Variants in PLG observed in about 807,000 individuals in gnomAD.
PLG encodes plasminogen, also known as plasmin.
PLG carries 41 observed loss-of-function variants against 104.4 expected under a neutral mutation model. The observed-to-expected ratio is 0.39, with a 90% CI of 0.31 to 0.51. The LOEUF is 0.51. PLG is among the 20% of genes least tolerant of loss of function. The pLI is 0.76. For synonymous variants in PLG, 337 were observed against 357.1 expected (o/e 0.94, Z 0.63); for missense variants, 891 against 1,003.6 (o/e 0.89, Z 1.52).
intron 8 of PLG, 103 bp from the exon 9 acceptor site, chr6:160,718,590 A>G: frequency 7.1e-7 from 1 of 1,408,678 alleles, no homozygotes; most frequent in Non-Finnish European, 1.0e-6. Flanking sequence ...AGTAAAGGAA[A>G]TGAACTTTAG....
At chr6:160,704,770 G>A (rs1360671753) in intron 1 of PLG, among the ~76,000 whole-genome samples, 1 of 152,148 alleles carries the variant, frequency 6.6e-6, no homozygotes, top group East Asian at 1.9e-4. Flanking sequence ...TGGGGAGCAG[G>A]GGGACTTTGG....
Position 160,731,816 on chromosome 6 carries a change from G to A in PLG, c.1510G>A (p.Asp504Asn), listed in dbSNP as rs767246436. 1.2e-6 allele frequency: 2 copies of A among 1,613,818 alleles called. No homozygotes were observed. Among genetic ancestry groups the A allele is most frequent in the Admixed American group, 3.3e-5 (2 of 60,004 alleles). The change falls in exon 12 of 19, where the codon GAC becomes AAC. Residue 504 changes from aspartate to asparagine, a missense_variant. Coordinates refer to ENST00000308192, the MANE Select transcript of PLG (RefSeq NM_000301.5). This position sits in a 1 kb window ranked among gnomAD's most constrained non-coding sequence, Gnocchi z 5.1. ...ATTVTGTPCQ[D>N]WAAQEPHRHS... ...CACTGTTACTGGGACGCCATGCCAG[G>A]ACTGGGCTGCCCAGGAGCCCCATAG...
At position 160,718,415 on chromosome 6, in the gene PLG, C is replaced by A; in HGVS notation, c.909C>A (p.Thr303=). ...CCTGTCAGCACTGGAGTGCACAGAC[C>A]CCTCACACACATAACAGGACACCAG... ...GHTCQHWSAQ[T]PHTHNRTPEN... The change falls in exon 8 of 19, where the codon ACC becomes ACA. Residue 303 remains threonine (T), a synonymous_variant. Transcript: ENST00000308192. 6.2e-7 allele frequency: 1 copy of A among 1,613,600 alleles called. No individual in the cohort carries two copies.
At position 160,704,956 on chromosome 6, in the gene PLG, T is replaced by C. The variant is rs191410254; in HGVS notation, c.50-1451T>C. 1.6e-4 allele frequency among the ~76,000 whole-genome samples: 25 copies of C among 152,340 alleles called. No homozygotes were observed. In the East Asian group the frequency reaches 4.0e-3, roughly 25 times the overall value. ...AACCAATGCGCTCTGCAGTGTGTCA[T>C]CTTTCAGAACCTCCCCTGACCGCAT... On this transcript the variant is annotated intron_variant, in intron 1 of 18. Coordinates refer to ENST00000308192, the MANE Select transcript of PLG (RefSeq NM_000301.5).
chr6:160,740,134 G>A lies in PLG; in HGVS notation c.2018+926G>A, dbSNP rs1778164355. Among the ~76,000 whole-genome samples the A allele has an allele frequency of 2.0e-5, 3 of 152,222 alleles. No individual in the cohort carries two copies. The highest frequency in any genetic ancestry group is 3.2e-3 in the Middle Eastern group (1 of 316). Reference sequence around the variant, plus strand: ...GCCTGGATGAGAAGGCACGGGGCAGGAGCCTGAGCTGCTCTCCTGGGCCTG... The same window carrying A: ...GCCTGGATGAGAAGGCACGGGGCAGAAGCCTGAGCTGCTCTCCTGGGCCTG... On this transcript the variant is annotated intron_variant, in intron 16 of 18. Coordinates refer to ENST00000308192, the MANE Select transcript of PLG (RefSeq NM_000301.5). The surrounding 1 kb of genome is among the most constrained non-coding windows in gnomAD (Gnocchi z 5.2).
chr6:160,737,173 TA>T lies in PLG; in HGVS notation c.1802+167del, dbSNP rs150416701. On this transcript the variant is annotated intron_variant, in intron 14 of 18. Transcript: ENST00000308192. This position sits in a 1 kb window ranked among gnomAD's most constrained non-coding sequence, Gnocchi z 4.7. The stretch of plus-strand genomic sequence containing the variant: ...ATTAATATATGTATATATACATATA[TA>T]TTTTTATAGGTTCTCTACTGTGAAA... Among the ~76,000 whole-genome samples, 2,848 of 152,266 alleles carry T rather than the reference TA, an allele frequency of 0.019. 87 individuals are homozygous for T. Among genetic ancestry groups the T allele is most frequent in the African/African-American group, 0.066 (2,735 of 41,516 alleles).
chr6:160,737,465 T>C lies in PLG; in HGVS notation c.1802+458T>C, dbSNP rs4252145. Among the ~76,000 whole-genome samples the C allele has an allele frequency of 0.032, 4,950 of 152,312 alleles. 261 individuals are homozygous for C. Among genetic ancestry groups the C allele is most frequent in the African/African-American group, 0.11 (4,515 of 41,544 alleles). ...TTTCTTTGGACACTTTCGTGAATCATTGAATTCAATGCAGAGGCTACTCAT... is the reference window on the plus strand; with the variant it reads ...TTTCTTTGGACACTTTCGTGAATCACTGAATTCAATGCAGAGGCTACTCAT... On this transcript the variant is annotated intron_variant, in intron 14 of 18. Coordinates refer to ENST00000308192, the MANE Select transcript of PLG (RefSeq NM_000301.5). This position sits in a 1 kb window ranked among gnomAD's most constrained non-coding sequence, Gnocchi z 4.7.
intron 7 of PLG, 103 bp from the exon 8 acceptor site, chr6:160,718,191 G>A: frequency 1.1e-6 from 1 of 940,868 alleles, no homozygotes; most frequent in Admixed American, 1.7e-5. Flanking sequence ...GGCAGAGGTT[G>A]CAGTGAGCTG....
rs910187139 is a variant in PLG, at chr6:160,738,568, G to A, written c.1833G>A (p.Leu611=). ...RFGMHFCGGT[L]ISPEWVLTAA... ...GAATGCACTTCTGTGGAGGCACCTT[G>A]ATATCCCCAGAGTGGGTGTTGACTG... Residue 611 remains leucine (L), a synonymous_variant, in exon 15 of 19, where the codon TTG becomes TTA. Transcript: ENST00000308192. This position sits in a 1 kb window ranked among gnomAD's most constrained non-coding sequence, Gnocchi z 6.8. 8.1e-6 allele frequency: 13 copies of A among 1,611,974 alleles called. No homozygotes were observed. Among genetic ancestry groups the A allele is most frequent in the African/African-American group, 1.3e-5 (1 of 75,006 alleles).
At chr6:160,742,409 T>C (rs1399281493) in intron 17 of PLG, among the ~76,000 whole-genome samples, 1 of 152,228 alleles carries the variant, frequency 6.6e-6, no homozygotes, top group African/African-American at 2.4e-5. Flanking sequence ...CGATCAGTGA[T>C]ATTGAGCTTT....
intron 17 of PLG, among the ~76,000 whole-genome samples, chr6:160,743,383 T>C (rs1778226386): frequency 6.6e-6 from 1 of 152,196 alleles, no homozygotes; most frequent in Non-Finnish European, 1.5e-5. Context: ...ACCTCTCTGG[T>C]TAGCTGTATT....
At position 160,736,177 on chromosome 6, in the gene PLG, T is replaced by C. The variant is rs913331387; in HGVS notation, c.1682-710T>C. 1.3e-5 allele frequency among the ~76,000 whole-genome samples: 2 copies of C among 152,160 alleles called. No homozygotes were observed. Among genetic ancestry groups the C allele is most frequent in the Non-Finnish European group, 2.9e-5 (2 of 68,010 alleles). On this transcript the variant is annotated intron_variant, in intron 13 of 18. Transcript: ENST00000308192. The surrounding 1 kb of genome is among the most constrained non-coding windows in gnomAD (Gnocchi z 5.2). ...AGGCATTGGTGGATGGTACCAAAGA[T>C]GGGACACTGTCCCTACCTCCAGAGA...
intron 7 of PLG, among the ~76,000 whole-genome samples, chr6:160,717,668 G>T (rs2115163038): frequency 6.6e-6 from 1 of 152,222 alleles, no homozygotes; most frequent in East Asian, 1.9e-4. Flanking sequence ...TGGACCTTTG[G>T]TGTATGTGAG....
Position 160,737,643 on chromosome 6 carries a change from T to G in PLG, c.1802+636T>G, listed in dbSNP as rs185877566. Among the ~76,000 whole-genome samples, 2 of 152,312 alleles carry G rather than the reference T, an allele frequency of 1.3e-5. No homozygotes were observed. The highest frequency in any genetic ancestry group is 1.5e-5 in the Non-Finnish European group (1 of 68,032). The stretch of plus-strand genomic sequence containing the variant: ...TTGGGTATCTCTTAGGAAGCAAGCA[T>G]AGGAAACAGGCCCATCCGTCTGCCT... On this transcript the variant is annotated intron_variant, in intron 14 of 18. Coordinates refer to ENST00000308192, the MANE Select transcript of PLG (RefSeq NM_000301.5). This position sits in a 1 kb window ranked among gnomAD's most constrained non-coding sequence, Gnocchi z 4.7.
intron 5 of PLG, among the ~76,000 whole-genome samples, 153 bp from the exon 6 acceptor site, chr6:160,714,639 TTG>T (rs1777700368): frequency 1.0e-5 from 1 of 96,364 alleles, no homozygotes; most frequent in African/African-American, 3.0e-5. Context: ...TGAGTCCTTA[TTG>T]CCAATTTTAT....
chr6:160,722,390 CTTTTA>C lies in PLG; in HGVS notation c.1097-12_1097-8del. On this transcript the variant is annotated splice_polypyrimidine_tract_variant and intron_variant, in intron 9 of 18. Transcript: ENST00000308192. ...TTTCAGTAATTGTTAAGCTTGATTT[CTTTTA>C]TTTTAATTTCAGCACCACCTGAGCT... 1 of 1,599,414 alleles carries C rather than the reference CTTTTA, an allele frequency of 6.3e-7. No homozygotes were observed. Among genetic ancestry groups the C allele is most frequent in the Non-Finnish European group, 8.6e-7 (1 of 1,166,906 alleles).
At chr6:160,749,609 T>C (rs367722539) in intron 17 of PLG, among the ~76,000 whole-genome samples, 4,359 of 126,932 alleles carry the variant, frequency 0.034, 219 homozygotes, top group African/African-American at 0.12. Context: ...TTATCATCAC[T>C]ACCATTATCA....
In PLG at chr6:160,731,391, G is replaced by A. The variant is rs1460436706; in HGVS notation, c.1438+159G>A. ...AAGCCTCAGTGCACTCTCTCAAGGAGGCAGAGGTGTGACTTTTGGCACAAC... is the reference window on the plus strand; with the variant it reads ...AAGCCTCAGTGCACTCTCTCAAGGAAGCAGAGGTGTGACTTTTGGCACAAC... On this transcript the variant is annotated intron_variant, in intron 11 of 18. Coordinates refer to ENST00000308192, the MANE Select transcript of PLG (RefSeq NM_000301.5). The surrounding 1 kb of genome is among the most constrained non-coding windows in gnomAD (Gnocchi z 5.1). Among the ~76,000 whole-genome samples the A allele has an allele frequency of 1.3e-5, 2 of 152,162 alleles. No homozygotes were observed. Among genetic ancestry groups the A allele is most frequent in the Non-Finnish European group, 1.5e-5 (1 of 68,028 alleles).
In PLG at chr6:160,744,830, G is replaced by C. The variant is rs1002725495; in HGVS notation, c.2125+3413G>C. Among the ~76,000 whole-genome samples the C allele has an allele frequency of 6.6e-6, 1 of 152,136 alleles. No individual in the cohort carries two copies. The highest frequency in any genetic ancestry group is 6.5e-5 in the Admixed American group (1 of 15,286). On this transcript the variant is annotated intron_variant, in intron 17 of 18. Transcript: ENST00000308192. The surrounding 1 kb of genome is among the most constrained non-coding windows in gnomAD (Gnocchi z 4.5). ...TCTCTCTTAACACTACCTTAGCTCTGTCCAAGAGATTCTGGTATGTTGTAT... is the reference window on the plus strand; with the variant it reads ...TCTCTCTTAACACTACCTTAGCTCTCTCCAAGAGATTCTGGTATGTTGTAT...
Sources: gnomAD v4.1 joint callset for allele counts (sites outside exome capture counted in the v4.1 genomes callset) on GRCh38, gnomAD v4.1.1 for gene constraint, Gnocchi (gnomAD v3.1) non-coding constraint, MANE v1.5 for transcripts, NCBI Gene and HGNC (gene_info 2026-07-23, HGNC 2026-07-21) for gene names.